SLC10A6: variants seen among roughly 807,000 people sequenced by gnomAD.
SLC10A6 encodes sodium-dependent organic anion transporter.
In SLC10A6, 27 loss-of-function variants were observed where a neutral mutation model predicts 30.0. That is an observed-to-expected ratio of 0.90 (90% CI 0.66 to 1.24). The LOEUF (loss-of-function observed/expected upper bound fraction) is 1.24, where lower values mean the gene tolerates loss of function less well. SLC10A6 is among the 50% of genes most tolerant of loss of function. The probability of loss-of-function intolerance (pLI) is 0.00; values close to 1 mark genes in which losing one functional copy is unlikely to be tolerated. For synonymous variants in SLC10A6, 166 were observed against 173.8 expected (o/e 0.95, Z 0.36); for missense variants, 439 against 457.0 (o/e 0.96, Z 0.36).
chr4:86,846,680 C>T (rs964698492), intron 1 of SLC10A6, among the ~76,000 whole-genome samples: 3 of 152,090 alleles, frequency 2.0e-5, no homozygotes, highest in Admixed American at 6.6e-5. Context: ...GAGCCGAGAT[C>T]GCACCATTGC....
intron 1 of SLC10A6, among the ~76,000 whole-genome samples, chr4:86,846,629 G>A (rs1001856839): frequency 1.3e-5 from 2 of 152,156 alleles, no homozygotes; most frequent in African/African-American, 4.8e-5. Context: ...AGGAGGCTGA[G>A]GCAGGAGAAT....
At chr4:86,833,914 C>T (rs558991532) in intron 1 of SLC10A6, among the ~76,000 whole-genome samples, 57 of 152,110 alleles carry the variant, frequency 3.7e-4, no homozygotes, top group Non-Finnish European at 6.5e-4. Flanking sequence ...ATCTACTTTC[C>T]GTCTTTATAG....
intron 4 of SLC10A6, 55 bp downstream of exon 4, chr4:86,827,938 G>A: frequency 6.6e-7 from 1 of 1,523,514 alleles, no homozygotes; most frequent in Admixed American, 1.8e-5. Flanking sequence ...GCCTACCAGT[G>A]GCAGTGTGTT....
intron 1 of SLC10A6, among the ~76,000 whole-genome samples, chr4:86,845,178 T>A (rs1746371770): frequency 6.6e-6 from 1 of 152,308 alleles, no homozygotes; most frequent in Non-Finnish European, 1.5e-5. Flanking sequence ...TTAAGGCTCT[T>A]CATACATATC....
intron 1 of SLC10A6, among the ~76,000 whole-genome samples, chr4:86,837,225 G>GAGACAGAAAGAAAGAAAGAA: frequency 2.6e-5 from 1 of 39,136 alleles, no homozygotes; most frequent in South Asian, 9.1e-4. Flanking sequence ...GAGAGAGAGA[G>GAGACAGAAAGAAAGAAAGAA]AGAAAGAAAG....
chr4:86,843,781 T>A (rs1242542024), intron 1 of SLC10A6, among the ~76,000 whole-genome samples: 2 of 152,152 alleles, frequency 1.3e-5, no homozygotes, highest in Admixed American at 1.3e-4. Flanking sequence ...ATAATAATAG[T>A]TCATATCACA....
intron 1 of SLC10A6, among the ~76,000 whole-genome samples, chr4:86,846,925 A>T (rs186543093): frequency 7.2e-5 from 11 of 152,354 alleles, no homozygotes; most frequent in Admixed American, 5.9e-4. Context: ...AAGTAGCTTT[A>T]TCTTTCATAG....
At chr4:86,837,212 A>AGG (rs1746200342) in intron 1 of SLC10A6, among the ~76,000 whole-genome samples, 3 of 113,720 alleles carry the variant, frequency 2.6e-5, no homozygotes, top group African/African-American at 1.4e-4. Flanking sequence ...AGAGAGAGAG[A>AGG]GAGAGAGAGA....
intron 1 of SLC10A6, among the ~76,000 whole-genome samples, chr4:86,837,290 A>AAAGAAAGAAAAAGAAAGGAAGG (rs1746211407): frequency 3.2e-5 from 2 of 62,740 alleles, no homozygotes; most frequent in Non-Finnish European, 6.9e-5. Context: ...AAAGAAAAAG[A>AAAGAAAGAAAAAGAAAGGAAGG]AAGGAAGGAA....
At chr4:86,837,242 A>G (rs933871382) in intron 1 of SLC10A6, among the ~76,000 whole-genome samples, 2 of 111,714 alleles carry the variant, frequency 1.8e-5, no homozygotes, top group East Asian at 2.3e-4. Context: ...AAAGAAAGAA[A>G]GAAAGAAAGA....
At chr4:86,827,876 G>A (rs1746021908) in intron 4 of SLC10A6, 117 bp downstream of exon 4, 3 of 828,248 alleles carry the variant, frequency 3.6e-6, no homozygotes, top group Non-Finnish European at 5.3e-6. Flanking sequence ...TTATCCTGTC[G>A]ATTCCACTAT....
intron 1 of SLC10A6, among the ~76,000 whole-genome samples, chr4:86,836,563 C>G (rs1746188321): frequency 6.6e-6 from 1 of 152,160 alleles, no homozygotes; most frequent in Admixed American, 6.6e-5. Flanking sequence ...ACAATAGATG[C>G]CAGCACCTTC....
At chr4:86,846,670 G>A (rs1019218866) in intron 1 of SLC10A6, among the ~76,000 whole-genome samples, 8 of 152,062 alleles carry the variant, frequency 5.3e-5, no homozygotes, top group South Asian at 2.1e-4. Flanking sequence ...AGGTTGCAGC[G>A]AGCCGAGATC....
chr4:86,839,774 AT>A (rs1256676773), intron 1 of SLC10A6, among the ~76,000 whole-genome samples: 7 of 152,140 alleles, frequency 4.6e-5, no homozygotes, highest in African/African-American at 1.7e-4. Context: ...TTTTGTTTTA[AT>A]ATATACTTTC....
At chr4:86,838,665 G>A (rs909526682) in intron 1 of SLC10A6, among the ~76,000 whole-genome samples, 1 of 152,160 alleles carries the variant, frequency 6.6e-6, no homozygotes, top group African/African-American at 2.4e-5. Flanking sequence ...GCTCATGCCT[G>A]TAATCCCAGC....
At position 86,827,982 on chromosome 4, in the gene SLC10A6, T is replaced by C. The variant is rs762940871; in HGVS notation, c.761+11A>G. On this transcript the variant is annotated intron_variant, in intron 4 of 5. Transcript: ENST00000273905. Reference sequence around the variant, plus strand: ...CTTCCTCAAAAAAGTTTATGGATAGTTTAACTATACCTTTGCCAAGACTGG... The same window carrying C: ...CTTCCTCAAAAAAGTTTATGGATAGCTTAACTATACCTTTGCCAAGACTGG... 3.5e-5 allele frequency: 56 copies of C among 1,610,190 alleles called. No individual in the cohort carries two copies. Among genetic ancestry groups the C allele is most frequent in the Non-Finnish European group, 4.7e-5 (55 of 1,178,328 alleles).
intron 1 of SLC10A6, among the ~76,000 whole-genome samples, chr4:86,842,786 T>TTTTCTTTCTTTCTTTCTTCCTTTC (rs1746313118): frequency 9.4e-6 from 1 of 106,696 alleles, no homozygotes; most frequent in Non-Finnish European, 1.9e-5. Flanking sequence ...TGGACACCTC[T>TTTTCTTTCTTTCTTTCTTCCTTTC]TTTCTTTCTT....
chr4:86,840,111 G>T (rs566817701), intron 1 of SLC10A6, among the ~76,000 whole-genome samples: 2 of 151,120 alleles, frequency 1.3e-5, no homozygotes, highest in African/African-American at 4.9e-5. Context: ...GTAGAGATGG[G>T]TTTTACCATG....
In SLC10A6 at chr4:86,823,481, T is replaced by C. The variant is rs557397757; in HGVS notation, c.*207A>G. 28 of 500,740 alleles carry C rather than the reference T, an allele frequency of 5.6e-5. No homozygotes were observed. Among genetic ancestry groups the C allele is most frequent in the Middle Eastern group, 5.3e-4 (1 of 1,894 alleles). 31.0% of individuals were successfully genotyped at this position (500,740 alleles called of 1,614,324 possible). ...TACAAGGCAGCTCATTGATACGTTA[T>C]GTTAACCCCCAGAAGAAACTCCCTG... On this transcript the variant is annotated 3_prime_UTR_variant, in exon 6 of 6. Transcript: ENST00000273905.
Sources: gnomAD v4.1 joint callset for allele counts (sites outside exome capture counted in the v4.1 genomes callset) on GRCh38, gnomAD v4.1.1 for gene constraint, MANE v1.5 for transcripts, NCBI Gene and HGNC (gene_info 2026-07-23, HGNC 2026-07-21) for gene names.